LTBP1: variants seen among roughly 807,000 people sequenced by gnomAD.
LTBP1 encodes the protein latent transforming growth factor beta binding protein 1.
LTBP1 carries 129 observed loss-of-function variants against 207.6 expected under a neutral mutation model. The observed-to-expected ratio is 0.62, with a 90% CI of 0.54 to 0.72. The LOEUF (loss-of-function observed/expected upper bound fraction) is 0.72. LTBP1 is among the 30% of genes least tolerant of loss of function. The pLI is 0.00. For synonymous variants in LTBP1, 963 were observed against 833.7 expected, an observed-to-expected ratio of 1.16 and a Z score of -2.67; for missense variants, 2,281 against 2,217.2, an observed-to-expected ratio of 1.03 and a Z score of -0.58.
Position 33,002,141 on chromosome 2 carries a change from A to G in LTBP1, c.566-18768A>G, listed in dbSNP as rs548749260. Among the ~76,000 whole-genome samples, 9 of 142,130 alleles carry G rather than the reference A, an allele frequency of 6.3e-5. 3 individuals are homozygous for G. The highest frequency in any genetic ancestry group is 1.1e-4 in the Non-Finnish European group (7 of 64,382). 93.2% of individuals were successfully genotyped at this position (142,130 alleles called of 152,430 possible). A position where few individuals can be genotyped will look rare whatever the true frequency, so the allele number is the denominator to read the frequency against. ...AAATGTTTTGACCAGGCAAATGACTATAATTATTGTTATATTAAAAAAATA... is the reference window on the plus strand; with the variant it reads ...AAATGTTTTGACCAGGCAAATGACTGTAATTATTGTTATATTAAAAAAATA... On this transcript the variant is annotated intron_variant, in intron 2 of 33. Transcript: ENST00000404816.
chr2:33,064,640 A>C (rs765851988), intron 3 of LTBP1, among the ~76,000 whole-genome samples: 7 of 152,156 alleles, frequency 4.6e-5, no homozygotes, highest in Non-Finnish European at 8.8e-5. Flanking sequence ...TGCCAGATGG[A>C]GATGTTATTT....
At chr2:33,141,386 T>A (rs1232665831) in intron 5 of LTBP1, among the ~76,000 whole-genome samples, 1 of 152,198 alleles carries the variant, frequency 6.6e-6, no homozygotes, top group Non-Finnish European at 1.5e-5. Context: ...TACTTAGCAC[T>A]CCTGAACCAC....
chr2:33,222,051 T>G, intron 8 of LTBP1, 29 bp from the exon 9 acceptor site: 1 of 1,521,206 alleles, frequency 6.6e-7, no homozygotes, highest in African/African-American at 1.4e-5. Flanking sequence ...AGAATTTAAG[T>G]ATGTAACAAA....
chr2:33,263,958 G>GAA (rs796992102), intron 15 of LTBP1, among the ~76,000 whole-genome samples: 17 of 69,640 alleles, frequency 2.4e-4, no homozygotes, highest in African/African-American at 5.4e-4. Flanking sequence ...TCTAAAAAAA[G>GAA]AAAAAAAAAA....
intron 2 of LTBP1, among the ~76,000 whole-genome samples, chr2:33,008,892 C>T (rs1016017872): frequency 6.6e-6 from 1 of 152,178 alleles, no homozygotes; most frequent in African/African-American, 2.4e-5. Context: ...GGGGACACAG[C>T]CAGTGCAAGG....
At chr2:33,257,106 A>G (rs1330213458) in intron 11 of LTBP1, among the ~76,000 whole-genome samples, 178 bp from the exon 12 acceptor site, 1 of 152,122 alleles carries the variant, frequency 6.6e-6, no homozygotes, top group African/African-American at 2.4e-5. Flanking sequence ...TTTTCTTTAA[A>G]TATGCAAGTT....
At chr2:33,085,747 C>T (rs1354886592) in intron 3 of LTBP1, among the ~76,000 whole-genome samples, 1 of 152,184 alleles carries the variant, frequency 6.6e-6, no homozygotes, top group African/African-American at 2.4e-5. Flanking sequence ...CCTCTAACTC[C>T]AAATTCTGTG....
chr2:33,223,916 AT>A (rs1444774721), intron 9 of LTBP1, among the ~76,000 whole-genome samples: 9 of 152,326 alleles, frequency 5.9e-5, no homozygotes, highest in Middle Eastern at 3.4e-3. Flanking sequence ...CCACTAAATG[AT>A]TAACTGTCCT....
chr2:33,020,781 C>T, intron 2 of LTBP1, 128 bp from the exon 3 acceptor site: 2 of 888,674 alleles, frequency 2.3e-6, no homozygotes, highest in Non-Finnish European at 3.4e-6. Flanking sequence ...CCACCTTCCT[C>T]CTTATGAGTA....
rs144637714 is a variant in LTBP1 at position 33,262,728 on chromosome 2, C to T, written c.2425C>T (p.Pro809Ser). The T allele has an allele frequency of 3.2e-6, 5 of 1,576,052 alleles. No individual in the cohort carries two copies. In the African/African-American group the frequency reaches 4.1e-5, roughly 13 times the overall value. The stretch of plus-strand genomic sequence containing the variant: ...TTAAAATACAACCATCCAGGAAATA[C>T]CTTCATTGGATCAAGAGAAAACCAA... Reference protein sequence around the residue: ...VATAPPEKEIPSLDQEKTKLE... With the variant: ...VATAPPEKEISSLDQEKTKLE... Residue 809 changes from proline to serine, a missense_variant, in exon 14 of 34, where the codon CCT becomes TCT. Coordinates refer to ENST00000404816, the MANE Select transcript of LTBP1 (RefSeq NM_206943.4).
At chr2:32,981,289 T>G (rs1682727515) in intron 2 of LTBP1, among the ~76,000 whole-genome samples, 1 of 152,202 alleles carries the variant, frequency 6.6e-6, no homozygotes, top group African/African-American at 2.4e-5. Context: ...TGTTGTTTAG[T>G]ATAACTTATA....
intron 3 of LTBP1, among the ~76,000 whole-genome samples, chr2:33,055,390 T>C (rs1010869130): frequency 2.6e-5 from 4 of 152,208 alleles, no homozygotes; most frequent in African/African-American, 9.6e-5. Flanking sequence ...GAATAATTCA[T>C]GGGCTTTTTT....
intron 26 of LTBP1, 40 bp downstream of exon 26, chr2:33,347,550 C>T: frequency 1.2e-6 from 2 of 1,611,604 alleles, no homozygotes; most frequent in East Asian, 2.2e-5. Context: ...TGACAGGCTC[C>T]TCTCAAAGAC....
chr2:32,975,563 G>C (rs1191996270), intron 2 of LTBP1, among the ~76,000 whole-genome samples: 1 of 112,334 alleles, frequency 8.9e-6, no homozygotes, highest in East Asian at 3.0e-4. Flanking sequence ...CATATTTGTT[G>C]GAGGTTTCAT....
intron 3 of LTBP1, among the ~76,000 whole-genome samples, chr2:33,052,082 G>T (rs887238236): frequency 1.3e-5 from 2 of 152,154 alleles, no homozygotes; most frequent in Non-Finnish European, 2.9e-5. Context: ...GCTGTGCCTT[G>T]GGTGGAAAGG....
intron 3 of LTBP1, among the ~76,000 whole-genome samples, chr2:33,109,666 T>C (rs2080278903): frequency 6.6e-6 from 1 of 152,196 alleles, no homozygotes; most frequent in Admixed American, 6.5e-5. Flanking sequence ...AGTATAATTA[T>C]AAAACATTTA....
At chr2:33,156,048 G>A (rs1488891886) in intron 5 of LTBP1, among the ~76,000 whole-genome samples, 5 of 152,108 alleles carry the variant, frequency 3.3e-5, no homozygotes, top group South Asian at 2.1e-4. Flanking sequence ...TACCACTATC[G>A]AGTCTCTTCC....
At chr2:33,093,644 CAT>C (rs569518437) in intron 3 of LTBP1, among the ~76,000 whole-genome samples, 200 of 152,104 alleles carry the variant, frequency 1.3e-3, no homozygotes, top group African/African-American at 4.8e-3. Flanking sequence ...TGTGTATATA[CAT>C]ATATGAGTGT....
At chr2:33,042,265 G>T (rs944529255) in intron 3 of LTBP1, among the ~76,000 whole-genome samples, 1 of 152,102 alleles carries the variant, frequency 6.6e-6, no homozygotes, top group Non-Finnish European at 1.5e-5. Flanking sequence ...TGTTAATTAG[G>T]TTTCAAGTAC....
Sources: allele counts gnomAD v4.1 joint callset (sites outside exome capture counted in the v4.1 genomes callset), GRCh38; gene constraint gnomAD v4.1.1; transcripts MANE v1.5; gene names NCBI Gene and HGNC (gene_info 2026-07-23, HGNC 2026-07-21).